Variants in FRAS1 observed in about 807,000 individuals in gnomAD.
The protein encoded by FRAS1 is extracellular matrix organizing protein FRAS1.
FRAS1 carries 290 observed loss-of-function variants against 435.2 expected under a neutral mutation model. That is an observed-to-expected ratio of 0.67 (90% CI 0.61 to 0.73). FRAS1 has a LOEUF of 0.73. Among genes scored for constraint, FRAS1 ranks in the 30% least tolerant of loss-of-function variants. FRAS1 has a pLI of 0.00. For missense variants in FRAS1, 4,860 were observed against 5,001.5 expected, an observed-to-expected ratio of 0.97 and a Z score of 0.85; for synonymous variants, 1,800 against 1,851.0, an observed-to-expected ratio of 0.97 and a Z score of 0.71.
chr4:78,497,657 A>G (rs570524695), intron 60 of FRAS1, among the ~76,000 whole-genome samples: 1 of 152,336 alleles, frequency 6.6e-6, no homozygotes, highest in South Asian at 2.1e-4. Flanking sequence ...TATATTACGA[A>G]TAAAGAAACT....
At chr4:78,144,159 A>G (rs1720315371) in intron 2 of FRAS1, among the ~76,000 whole-genome samples, 1 of 152,024 alleles carries the variant, frequency 6.6e-6, no homozygotes, top group African/African-American at 2.4e-5. Flanking sequence ...TAAATAAAAA[A>G]TAAAGACAAA....
At chr4:78,080,096 A>ATGGC (rs1740828524) in intron 2 of FRAS1, among the ~76,000 whole-genome samples, 1 of 152,086 alleles carries the variant, frequency 6.6e-6, no homozygotes, top group African/African-American at 2.4e-5. Flanking sequence ...TACAGGTGGA[A>ATGGC]TGGCATCTCA....
At chr4:78,141,973 G>C (rs1330528588) in intron 2 of FRAS1, among the ~76,000 whole-genome samples, 1 of 152,068 alleles carries the variant, frequency 6.6e-6, no homozygotes, top group Non-Finnish European at 1.5e-5. Context: ...ATGGACTTTG[G>C]GGACTGGGGA....
intron 40 of FRAS1, among the ~76,000 whole-genome samples, 155 bp downstream of exon 40, chr4:78,439,219 G>C (rs577483464): frequency 6.6e-6 from 1 of 152,294 alleles, no homozygotes; most frequent in African/African-American, 2.4e-5. Flanking sequence ...TCAATCATGA[G>C]TGTTTTTTTA....
intron 2 of FRAS1, among the ~76,000 whole-genome samples, chr4:78,092,384 G>A (rs1741576175): frequency 6.6e-6 from 1 of 152,156 alleles, no homozygotes; most frequent in Non-Finnish European, 1.5e-5. Flanking sequence ...GTTCCACATG[G>A]CTGAGGAGGC....
At chr4:78,059,476 T>C (rs1237569145) in intron 1 of FRAS1, among the ~76,000 whole-genome samples, 2 of 151,228 alleles carry the variant, frequency 1.3e-5, no homozygotes, top group East Asian at 3.9e-4. Context: ...AATATAACTT[T>C]ATTGTTTATG....
Position 78,541,030 on chromosome 4 carries a change from C to T in FRAS1, c.11945C>T (p.Pro3982Leu), listed in dbSNP as rs201003580. 2.2e-5 allele frequency: 34 copies of T among 1,512,092 alleles called. No homozygotes were observed. In the African/African-American group the frequency reaches 4.4e-4, roughly 20 times the overall value. The allele number at this position is 1,512,092 out of a possible 1,614,324, so 93.7% of individuals were successfully genotyped here. A position where few individuals can be genotyped will look rare whatever the true frequency, so the allele number is the denominator to read the frequency against. The change falls in exon 74 of 74, where the codon CCT becomes CTT. Residue 3982 changes from proline (P) to leucine (L), a missense_variant. By Grantham distance (98) the Pro-to-Leu change is moderately conservative. Transcript: ENST00000512123. ...CGGAACGTCAACATCCTGAGTGAGC[C>T]TGAGGCGGCTTACACGTTCAAAGGT... Reference protein sequence around the residue: ...TVRNVNILSEPEAAYTFKGAK... With the variant: ...TVRNVNILSELEAAYTFKGAK...
At chr4:78,301,080 A>G (rs138415238) in intron 14 of FRAS1, among the ~76,000 whole-genome samples, 1 of 152,204 alleles carries the variant, frequency 6.6e-6, no homozygotes, top group Non-Finnish European at 1.5e-5. Flanking sequence ...TGAGGTTTGC[A>G]AGGCAGATAT....
chr4:78,138,247 C>T (rs1238297404), intron 2 of FRAS1, among the ~76,000 whole-genome samples: 1 of 152,176 alleles, frequency 6.6e-6, no homozygotes, highest in Non-Finnish European at 1.5e-5. Flanking sequence ...ATCTAGTAAA[C>T]AGTACTTTAG....
chr4:78,136,708 C>T (rs1719934979), intron 2 of FRAS1, among the ~76,000 whole-genome samples: 1 of 152,124 alleles, frequency 6.6e-6, no homozygotes, highest in African/African-American at 2.4e-5. Context: ...TCAGGAGAAC[C>T]CAAGTCTTGG....
chr4:78,098,697 G>A (rs896967571), intron 2 of FRAS1, among the ~76,000 whole-genome samples: 21 of 152,226 alleles, frequency 1.4e-4, no homozygotes, highest in African/African-American at 5.1e-4. Context: ...TAACGTGTGA[G>A]TGATCAATGC....
chr4:78,480,995 T>G (rs1719994949), intron 56 of FRAS1, among the ~76,000 whole-genome samples: 1 of 152,228 alleles, frequency 6.6e-6, no homozygotes, highest in African/African-American at 2.4e-5. Context: ...CAGTCATCAA[T>G]GATTAAGCAG....
At chr4:78,327,319 T>G (rs570369458) in intron 18 of FRAS1, among the ~76,000 whole-genome samples, 1 of 152,318 alleles carries the variant, frequency 6.6e-6, no homozygotes, top group African/African-American at 2.4e-5. Context: ...GTCTAGAGGA[T>G]TTTGATATCT....
chr4:78,530,130 C>T (rs1430575732), intron 70 of FRAS1, among the ~76,000 whole-genome samples: 1 of 151,844 alleles, frequency 6.6e-6, no homozygotes, highest in East Asian at 1.9e-4. Context: ...CTTTGGCTTT[C>T]TCTCTATTAC....
At chr4:78,537,959 A>C (rs11932925) in intron 72 of FRAS1, among the ~76,000 whole-genome samples, 1 of 107,726 alleles carries the variant, frequency 9.3e-6, no homozygotes, top group African/African-American at 3.0e-5. Flanking sequence ...AAAAAAAAAG[A>C]AAAAAAAAAG....
At chr4:78,059,372 A>G (rs945556035) in intron 1 of FRAS1, among the ~76,000 whole-genome samples, 8 of 151,868 alleles carry the variant, frequency 5.3e-5, no homozygotes, top group Non-Finnish European at 1.0e-4. Flanking sequence ...TGCCTTCTGC[A>G]CTCTTCCGGG....
At chr4:78,415,810 A>AT (rs1411475770) in intron 32 of FRAS1, among the ~76,000 whole-genome samples, 3 of 152,184 alleles carry the variant, frequency 2.0e-5, no homozygotes, top group Admixed American at 1.3e-4. Flanking sequence ...CCATGATCAG[A>AT]TTTTTAATGA....
Position 78,278,677 on chromosome 4 carries a change from A to G in FRAS1, c.1004A>G (p.Asp335Gly). The G allele has an allele frequency of 4.4e-6, 7 of 1,602,514 alleles. No individual in the cohort carries two copies. The highest frequency in any genetic ancestry group is 6.0e-6 in the Non-Finnish European group (7 of 1,169,664). Residue 335 changes from aspartate (D) to glycine (G), a missense_variant, in exon 10 of 74, where the codon GAT becomes GGT. Transcript: ENST00000512123. ...CAGGATGAAGAATTAATTCACTTAGATGGAAAGTGTTGTCCTGAATGCATT... is the reference window on the plus strand; with the variant it reads ...CAGGATGAAGAATTAATTCACTTAGGTGGAAAGTGTTGTCCTGAATGCATT... Reference protein sequence around the residue: ...CARDEELIHLDGKCCPECISR... With the variant: ...CARDEELIHLGGKCCPECISR...
chr4:78,419,058 A>G lies in FRAS1; in HGVS notation c.4535A>G (p.Asn1512Ser). 1 of 1,540,652 alleles carries G rather than the reference A, an allele frequency of 6.5e-7. No homozygotes were observed. The change falls in exon 33 of 74, where the codon AAT becomes AGT. Residue 1512 changes from asparagine (N) to serine (S), a missense_variant. Asn to Ser is a conservative substitution (Grantham distance 46). Transcript: ENST00000512123. ...VYNITLPLHP[N>S]QGIIEHRDHP... ...AACATCACTCTACCTCTGCATCCAA[A>G]TCAAGGTAAGATGTGCAGTAAATGA...
Sources: allele counts gnomAD v4.1 joint callset (sites outside exome capture counted in the v4.1 genomes callset), GRCh38; gene constraint gnomAD v4.1.1; transcripts MANE v1.5; gene names NCBI Gene and HGNC (gene_info 2026-07-23, HGNC 2026-07-21).